Variants in SMARCC1 observed in about 807,000 individuals in gnomAD.
SMARCC1 encodes SWI/SNF related BAF chromatin remodeling complex subunit C1.
SMARCC1 carries 43 observed loss-of-function variants against 147.4 expected under a neutral mutation model. The observed-to-expected ratio is 0.29, with a 90% CI of 0.23 to 0.38. The LOEUF is 0.38. Among genes scored for constraint, SMARCC1 ranks in the 10% least tolerant of loss-of-function variants. The pLI, the probability that SMARCC1 is intolerant of heterozygous loss-of-function variation, is 1.00. For missense variants in SMARCC1, 1,119 were observed against 1,381.1 expected, an observed-to-expected ratio of 0.81 and a Z score of 3.01; for synonymous variants, 495 against 484.4, an observed-to-expected ratio of 1.02 and a Z score of -0.29.
At chr3:47,635,100 C>T (rs2032950541) in intron 24 of SMARCC1, 90 bp downstream of exon 24, 8 of 1,144,440 alleles carry the variant, frequency 7.0e-6, no homozygotes, top group South Asian at 1.4e-5. Flanking sequence ...GGGAGCAAAG[C>T]TCTTTATACT....
chr3:47,667,812 G>A (rs551824231), intron 19 of SMARCC1, among the ~76,000 whole-genome samples: 8 of 152,278 alleles, frequency 5.3e-5, no homozygotes, highest in African/African-American at 9.6e-5. Flanking sequence ...AGGAGGCAGA[G>A]GTTGCAGTGA....
intron 2 of SMARCC1, among the ~76,000 whole-genome samples, chr3:47,763,660 A>AAT (rs2034801497): frequency 6.6e-6 from 1 of 151,538 alleles, no homozygotes; most frequent in Non-Finnish European, 1.5e-5. Flanking sequence ...TAAGAAAAAA[A>AAT]ATATATATAT....
At chr3:47,642,561 G>T (rs2033062269) in intron 21 of SMARCC1, among the ~76,000 whole-genome samples, 1 of 151,848 alleles carries the variant, frequency 6.6e-6, no homozygotes, top group Admixed American at 6.6e-5. Context: ...CTGCACTCCA[G>T]CCTGGGCAAA....
At chr3:47,707,319 G>GAAAAAA (rs112319199) in intron 9 of SMARCC1, among the ~76,000 whole-genome samples, 2 of 137,824 alleles carry the variant, frequency 1.5e-5, no homozygotes, top group Admixed American at 1.5e-4. Context: ...CTCAAAGAAG[G>GAAAAAA]AAAAAAAAAA....
At chr3:47,708,123 A>T (rs2034038753) in intron 9 of SMARCC1, among the ~76,000 whole-genome samples, 1 of 22,278 alleles carries the variant, frequency 4.5e-5, no homozygotes, top group Non-Finnish European at 1.1e-4. Context: ...TTTTTGAGAC[A>T]GGGTCTCACT....
intron 21 of SMARCC1, among the ~76,000 whole-genome samples, chr3:47,650,816 T>A (rs997392444): frequency 6.6e-6 from 1 of 150,680 alleles, no homozygotes; most frequent in Admixed American, 6.6e-5. Context: ...CCTGTCTCTT[T>A]AAAAAAAAAT....
chr3:47,635,410 T>TC, intron 23 of SMARCC1, 66 bp from the exon 24 acceptor site: 1 of 1,298,854 alleles, frequency 7.7e-7, no homozygotes, highest in Non-Finnish European at 1.1e-6. Flanking sequence ...TCTCCTTACC[T>TC]CCACCACTAT....
chr3:47,730,062 T>C (rs1188675544), intron 5 of SMARCC1, among the ~76,000 whole-genome samples: 3 of 151,976 alleles, frequency 2.0e-5, no homozygotes, highest in Admixed American at 2.0e-4. Context: ...GTCTGTAATC[T>C]CAGCTATTCA....
intron 21 of SMARCC1, among the ~76,000 whole-genome samples, chr3:47,655,498 AC>A (rs2033249553): frequency 6.6e-6 from 1 of 151,976 alleles, no homozygotes; most frequent in South Asian, 2.1e-4. Context: ...GGAGTTGGAG[AC>A]CAGCCTGGCC....
At chr3:47,671,192 A>AC (rs2033495396) in intron 18 of SMARCC1, among the ~76,000 whole-genome samples, 1 of 147,932 alleles carries the variant, frequency 6.8e-6, no homozygotes, top group Non-Finnish European at 1.5e-5. Flanking sequence ...AAAAAAAAAA[A>AC]AAAAAACACA....
intron 21 of SMARCC1, among the ~76,000 whole-genome samples, chr3:47,641,042 C>G (rs1378500259): frequency 6.6e-6 from 1 of 152,196 alleles, no homozygotes; most frequent in African/African-American, 2.4e-5. Context: ...CTCCAGAAGG[C>G]TGTTCTCAAA....
At chr3:47,626,400 C>G (rs2032810087) in intron 24 of SMARCC1, among the ~76,000 whole-genome samples, 1 of 149,292 alleles carries the variant, frequency 6.7e-6, no homozygotes, top group African/African-American at 2.5e-5. Flanking sequence ...TCTGACTCAG[C>G]CTCCCAAAGT....
At chr3:47,655,559 T>A (rs143717103) in intron 21 of SMARCC1, among the ~76,000 whole-genome samples, 1 of 151,198 alleles carries the variant, frequency 6.6e-6, no homozygotes, top group East Asian at 2.0e-4. Flanking sequence ...CAGCCAGGTG[T>A]CGTGGCACAC....
intron 19 of SMARCC1, chr3:47,663,817 C>T (rs1451659542): frequency 6.3e-7 from 1 of 1,583,500 alleles, no homozygotes; most frequent in African/African-American, 1.3e-5. Flanking sequence ...ATTCCTTCCA[C>T]CGGGGCAACA....
chr3:47,725,047 A>G (rs1452268901), intron 6 of SMARCC1, among the ~76,000 whole-genome samples: 1 of 151,326 alleles, frequency 6.6e-6, no homozygotes, highest in African/African-American at 2.4e-5. Flanking sequence ...AAAAAAAAAA[A>G]AAAAAAAAAA....
At chr3:47,708,941 T>C (rs2034050771) in intron 9 of SMARCC1, among the ~76,000 whole-genome samples, 1 of 152,126 alleles carries the variant, frequency 6.6e-6, no homozygotes, top group African/African-American at 2.4e-5. Context: ...GGCCCAGTCA[T>C]TTAATATTTT....
intron 21 of SMARCC1, among the ~76,000 whole-genome samples, chr3:47,652,546 TAG>T (rs1400962737): frequency 6.6e-6 from 1 of 151,148 alleles, no homozygotes; most frequent in Non-Finnish European, 1.5e-5. Flanking sequence ...GCTTTGGGAT[TAG>T]AGAGATTTAG....
chr3:47,712,015 C>G (rs373710873), intron 8 of SMARCC1, among the ~76,000 whole-genome samples: 2 of 152,038 alleles, frequency 1.3e-5, no homozygotes, highest in Admixed American at 6.6e-5. Context: ...GGCAGATCAC[C>G]TGAGGTCGGG....
rs528158322 is a variant in SMARCC1, at chr3:47,666,679, T to C, written c.1899+3979A>G. Reference sequence around the variant, plus strand: ...ACATGTGGCCCAGGATGGCGCTGAATGTGGCCCATACAAATTCATAAACTT... The same window carrying C: ...ACATGTGGCCCAGGATGGCGCTGAACGTGGCCCATACAAATTCATAAACTT... On this transcript the variant is annotated intron_variant, in intron 19 of 27. Transcript: ENST00000254480. Among the ~76,000 whole-genome samples, 5 of 152,058 alleles carry C rather than the reference T, an allele frequency of 3.3e-5. No individual in the cohort carries two copies. In the South Asian group the frequency reaches 1.0e-3, roughly 32 times the overall value.
Sources: gnomAD v4.1 joint callset for allele counts (sites outside exome capture counted in the v4.1 genomes callset) on GRCh38, gnomAD v4.1.1 for gene constraint, MANE v1.5 for transcripts, NCBI Gene and HGNC (gene_info 2026-07-23, HGNC 2026-07-21) for gene names.